Variants in PAX1 observed in about 807,000 individuals in gnomAD.
The protein encoded by PAX1 is paired box protein Pax-1.
In PAX1, 18 loss-of-function variants were observed where a neutral mutation model predicts 35.6. That is an observed-to-expected ratio of 0.50 (90% CI 0.35 to 0.75). The LOEUF (loss-of-function observed/expected upper bound fraction) is 0.75. Ranked by LOEUF, PAX1 falls within the 30% of genes least tolerant of loss-of-function variation. The pLI, the probability that PAX1 is intolerant of heterozygous loss-of-function variation, is 0.01. For synonymous variants in PAX1, 397 were observed against 305.2 expected (o/e 1.30, Z -3.14); for missense variants, 760 against 661.5 (o/e 1.15, Z -1.63).
chr20:21,713,380 TTTTGTGTGTG>T (rs1275695026), intron 4 of PAX1, among the ~76,000 whole-genome samples: 19 of 135,882 alleles, frequency 1.4e-4, no homozygotes, highest in Non-Finnish European at 2.5e-4. Context: ...TTTCTTTTTT[TTTTGTGTGTG>T]TGTGTGTGTG....
At position 21,706,349 on chromosome 20, in the gene PAX1, T is replaced by G. The variant is rs1234377543; in HGVS notation, c.287-89T>G. On this transcript the variant is annotated intron_variant, in intron 1 of 4. Transcript: ENST00000613128. This position sits in a 1 kb window ranked among gnomAD's most constrained non-coding sequence, Gnocchi z 5.3. The stretch of plus-strand genomic sequence containing the variant: ...GGTCACCTTTGGAAGTGCGCCTGGG[T>G]GCAGTCCCTCGCTCCGCGTGGGGAC... The G allele has an allele frequency of 1.3e-6, 2 of 1,529,988 alleles. No homozygotes were observed. The highest frequency in any genetic ancestry group is 4.5e-5 in the East Asian group (2 of 44,482). 94.8% of individuals were successfully genotyped at this position (1,529,988 alleles called of 1,614,324 possible). A position where few individuals can be genotyped will look rare whatever the true frequency, so the allele number is the denominator to read the frequency against.
Position 21,706,254 on chromosome 20 carries a change from G to A in PAX1, c.287-184G>A. 2.3e-6 allele frequency: 2 copies of A among 865,158 alleles called. No homozygotes were observed. Among genetic ancestry groups the A allele is most frequent in the East Asian group, 5.3e-5 (2 of 37,964 alleles). The allele number at this position is 865,158 out of a possible 1,614,324, so 53.6% of individuals were successfully genotyped here. A position where few individuals can be genotyped will look rare whatever the true frequency, so the allele number is the denominator to read the frequency against. On this transcript the variant is annotated intron_variant, in intron 1 of 4. Coordinates refer to ENST00000613128, the MANE Select transcript of PAX1 (RefSeq NM_001257096.2). The surrounding 1 kb of genome is among the most constrained non-coding windows in gnomAD (Gnocchi z 5.3). ...CCGCGCTCCACTCCGCGGCTCCTCT[G>A]CGCCCTTGCCCACTCCAAGCCAGAC...
chr20:21,706,063 C>T lies in PAX1; in HGVS notation c.286+65C>T. ...GAGGTGGGTCGGGTCCGCCTGCCTC[C>T]CTTCCCTCTCGTCCGCTTTCCCTGG... On this transcript the variant is annotated intron_variant, in intron 1 of 4. Transcript: ENST00000613128. The surrounding 1 kb of genome is among the most constrained non-coding windows in gnomAD (Gnocchi z 5.3). 7.8e-7 allele frequency: 1 copy of T among 1,287,062 alleles called. No individual in the cohort carries two copies. Among genetic ancestry groups the T allele is most frequent in the Non-Finnish European group, 1.0e-6 (1 of 953,496 alleles). The allele number at this position is 1,287,062 out of a possible 1,614,324, so 79.7% of individuals were successfully genotyped here.
At position 21,705,776 on chromosome 20, in the gene PAX1, G is replaced by T; in HGVS notation, c.64G>T (p.Ala22Ser). Residue 22 changes from alanine (A) to serine (S), a missense_variant, in exon 1 of 5, where the codon GCG becomes TCG. Physicochemically the swap from Ala to Ser is moderately conservative, Grantham distance 99. This residue lies in a region of PAX1 where 222 missense variants were observed against 153.0 expected (regional missense o/e 1.45). Coordinates refer to ENST00000613128, the MANE Select transcript of PAX1 (RefSeq NM_001257096.2). Reference sequence around the variant, plus strand: ...AGTGTCCTGGGAGGGGGCAGCAGCGGCGGCGGCAGGCCCTGGAGCGGGCGG... The same window carrying T: ...AGTGTCCTGGGAGGGGGCAGCAGCGTCGGCGGCAGGCCCTGGAGCGGGCGG... ...WRVSWEGAAAAAAGPGAGGSA... is the reference protein window; with the variant it reads ...WRVSWEGAAASAAGPGAGGSA... 1 of 1,262,046 alleles carries T rather than the reference G, an allele frequency of 7.9e-7. No individual in the cohort carries two copies. Among genetic ancestry groups the T allele is most frequent in the Non-Finnish European group, 1.0e-6 (1 of 1,003,254 alleles). 78.2% of individuals were successfully genotyped at this position (1,262,046 alleles called of 1,614,324 possible).
chr20:21,706,405 CCTCCGGCTCA>C lies in PAX1; in HGVS notation c.287-29_287-20del, dbSNP rs1600324870. ...GCTAACCCGCCGGGTGTTTTCTCCC[CCTCCGGCTCA>C]CTCTTGTCTGGCGCATCCGCAGAGC... On this transcript the variant is annotated intron_variant, in intron 1 of 4. Transcript: ENST00000613128. This position sits in a 1 kb window ranked among gnomAD's most constrained non-coding sequence, Gnocchi z 5.3. The C allele has an allele frequency of 1.2e-6, 2 of 1,609,446 alleles. No homozygotes were observed. Among genetic ancestry groups the C allele is most frequent in the East Asian group, 4.5e-5 (2 of 44,848 alleles).
chr20:21,713,382 T>TTTGTG (rs1324636431), intron 4 of PAX1, among the ~76,000 whole-genome samples: 1 of 146,272 alleles, frequency 6.8e-6, no homozygotes, highest in South Asian at 2.2e-4. Flanking sequence ...TCTTTTTTTT[T>TTTGTG]TGTGTGTGTG....
In PAX1 at chr20:21,708,696, C is replaced by G; in HGVS notation, c.1055C>G (p.Thr352Ser). 1 of 1,613,502 alleles carries G rather than the reference C, an allele frequency of 6.2e-7. No individual in the cohort carries two copies. Among genetic ancestry groups the G allele is most frequent in the Middle Eastern group, 1.6e-4 (1 of 6,062 alleles). ...KPALEADIKY[T>S]QSASTLSAVG... ...GCCTTAGAGGCAGACATTAAATACA[C>G]TCAGGTAACCAGGAGGCACGTGAGG... Residue 352 changes from threonine to serine, a missense_variant, in exon 3 of 5, where the codon ACT (threonine) becomes AGT (serine). By Grantham distance (58) the Thr-to-Ser change is moderately conservative. This residue lies in a region of PAX1 where 490 missense variants were observed against 428.4 expected (regional missense o/e 1.14). Transcript: ENST00000613128.
At position 21,718,113 on chromosome 20, in the gene PAX1, A is replaced by G. The variant is rs1419324285; in HGVS notation, c.*3551A>G. The G allele has an allele frequency of 6.6e-6, 1 of 152,220 alleles. No individual in the cohort carries two copies. The highest frequency in any genetic ancestry group is 1.5e-5 in the Non-Finnish European group (1 of 68,042). 9.4% of individuals were successfully genotyped at this position (152,220 alleles called of 1,614,324 possible). ...GATTTATTAAAAACAGGGTATTTGT[A>G]AAGAGGGCCAGCTTCGTGCTTTAAA... On this transcript the variant is annotated 3_prime_UTR_variant, in exon 5 of 5. Transcript: ENST00000613128.
intron 4 of PAX1, among the ~76,000 whole-genome samples, chr20:21,713,885 T>G (rs934725373): frequency 1.3e-5 from 2 of 152,222 alleles, no homozygotes; most frequent in Non-Finnish European, 2.9e-5. Context: ...GCCGCTCACT[T>G]AAAGCGCAAC....
rs1985403566 is a variant in PAX1 at position 21,717,302 on chromosome 20, T to G, written c.*2740T>G. ...GGGGTCACGGAACATCTTAGTGAAC[T>G]TGGCTTAAATCTCTGCTCCACTGTA... On this transcript the variant is annotated 3_prime_UTR_variant, in exon 5 of 5. Transcript: ENST00000613128. 1 of 152,242 alleles carries G rather than the reference T, an allele frequency of 6.6e-6. No homozygotes were observed. Among genetic ancestry groups the G allele is most frequent in the South Asian group, 2.1e-4 (1 of 4,824 alleles). 9.4% of individuals were successfully genotyped at this position (152,242 alleles called of 1,614,324 possible).
rs1407257519 is a variant in PAX1, at chr20:21,706,025, C to T, written c.286+27C>T. ...TAAGGGGCGGGCGACAGGCAGGGCT[C>T]GGGAGGGCTGATGAGGTGGGTCGGG... On this transcript the variant is annotated intron_variant, in intron 1 of 4. Transcript: ENST00000613128. The surrounding 1 kb of genome is among the most constrained non-coding windows in gnomAD (Gnocchi z 5.3). The T allele has an allele frequency of 7.6e-6, 11 of 1,455,622 alleles. No individual in the cohort carries two copies. Among genetic ancestry groups the T allele is most frequent in the East Asian group, 2.5e-5 (1 of 40,212 alleles). The allele number at this position is 1,455,622 out of a possible 1,614,324, so 90.2% of individuals were successfully genotyped here.
At position 21,714,862 on chromosome 20, in the gene PAX1, T is replaced by G; in HGVS notation, c.*300T>G. 7.0e-7 allele frequency: 1 copy of G among 1,419,510 alleles called. No homozygotes were observed. Among genetic ancestry groups the G allele is most frequent in the Non-Finnish European group, 9.8e-7 (1 of 1,019,010 alleles). 87.9% of individuals were successfully genotyped at this position (1,419,510 alleles called of 1,614,324 possible). A position where few individuals can be genotyped will look rare whatever the true frequency, so the allele number is the denominator to read the frequency against. ...CGTGGCCTCCTTCGCTCTGCCAGCTTCAAATTTCTTTTTTGTCACTCCCTT... is the reference window on the plus strand; with the variant it reads ...CGTGGCCTCCTTCGCTCTGCCAGCTGCAAATTTCTTTTTTGTCACTCCCTT... On this transcript the variant is annotated 3_prime_UTR_variant, in exon 5 of 5. Coordinates refer to ENST00000613128, the MANE Select transcript of PAX1 (RefSeq NM_001257096.2).
In PAX1 at chr20:21,705,984, G is replaced by C; in HGVS notation, c.272G>C (p.Gly91Ala). 6.7e-7 allele frequency: 1 copy of C among 1,482,948 alleles called. No individual in the cohort carries two copies. Among genetic ancestry groups the C allele is most frequent in the South Asian group, 1.3e-5 (1 of 75,714 alleles). 91.9% of individuals were successfully genotyped at this position (1,482,948 alleles called of 1,614,324 possible). Residue 91 changes from glycine to alanine, a missense_variant, in exon 1 of 5, where the codon GGC becomes GCC. Physicochemically the swap from Gly to Ala is moderately conservative, Grantham distance 60 (BLOSUM62 0). Transcript: ENST00000613128. The stretch of plus-strand genomic sequence containing the variant: ...CACCCCGGCGCCAGGCAGCTGGCCG[G>C]CCCGCTCGCTATGGGTAAGGGGCGG... ...PGHPGARQLA[G>A]PLAMEQTYGE...
chr20:21,707,878 C>T (rs1490931332), intron 2 of PAX1, among the ~76,000 whole-genome samples: 1 of 152,024 alleles, frequency 6.6e-6, no homozygotes, highest in Non-Finnish European at 1.5e-5. Flanking sequence ...ACTGTGAGTG[C>T]TCAGCTCCAG....
In PAX1 at chr20:21,708,602, G is replaced by A. The variant is rs200118388; in HGVS notation, c.961G>A (p.Glu321Lys). ...SEGTAYSPKM[E>K]DWAGVNRTAF... ...AGGCACCGCTTACTCTCCCAAGATG[G>A]AAGACTGGGCCGGCGTGAACCGCAC... The change falls in exon 3 of 5, where the codon GAA becomes AAA. Residue 321 changes from glutamate to lysine, a missense_variant. Physicochemically the swap from Glu to Lys is moderately conservative, Grantham distance 56. This residue lies in a region of PAX1 where 490 missense variants were observed against 428.4 expected (regional missense o/e 1.14). Coordinates refer to ENST00000613128, the MANE Select transcript of PAX1 (RefSeq NM_001257096.2). 8 of 1,613,786 alleles carry A rather than the reference G, an allele frequency of 5.0e-6. No homozygotes were observed. In the Admixed American group the frequency reaches 1.3e-4, roughly 27 times the overall value.
chr20:21,711,414 A>G (rs377145642), intron 4 of PAX1, among the ~76,000 whole-genome samples: 11 of 152,344 alleles, frequency 7.2e-5, no homozygotes, highest in African/African-American at 2.2e-4. Flanking sequence ...TTTAACATTA[A>G]GCCTCACTGG....
chr20:21,708,545 C>G lies in PAX1; in HGVS notation c.917-13C>G, dbSNP rs752708079. ...TCGGAGGCACCTTTTAATCCGTCCTCTCTCTCCTGCAGGGGCCCTGGCTGG... is the reference window on the plus strand; with the variant it reads ...TCGGAGGCACCTTTTAATCCGTCCTGTCTCTCCTGCAGGGGCCCTGGCTGG... On this transcript the variant is annotated splice_polypyrimidine_tract_variant and intron_variant, in intron 2 of 4. Coordinates refer to ENST00000613128, the MANE Select transcript of PAX1 (RefSeq NM_001257096.2). 2.5e-6 allele frequency: 4 copies of G among 1,613,296 alleles called. No individual in the cohort carries two copies. The highest frequency in any genetic ancestry group is 3.3e-5 in the Admixed American group (2 of 60,028).
intron 4 of PAX1, 123 bp downstream of exon 4, chr20:21,709,567 C>T: frequency 1.4e-6 from 1 of 709,756 alleles, no homozygotes; most frequent in Non-Finnish European, 2.3e-6. Flanking sequence ...GGCATGAACC[C>T]TTCTTCTGGG....
rs1985042001 is a variant in PAX1, at chr20:21,707,076, T to A, written c.916+9T>A. 3.7e-6 allele frequency: 6 copies of A among 1,612,886 alleles called. No individual in the cohort carries two copies. In the African/African-American group the frequency reaches 6.7e-5, roughly 18 times the overall value. On this transcript the variant is annotated intron_variant, in intron 2 of 4. Coordinates refer to ENST00000613128, the MANE Select transcript of PAX1 (RefSeq NM_001257096.2). ...GTTTATGGAGCAAACAGGTCAGTTG[T>A]GGCGGCCTCCGTAGCCTTCTATTAA...
Sources: allele counts gnomAD v4.1 joint callset (sites outside exome capture counted in the v4.1 genomes callset), GRCh38; gene constraint gnomAD v4.1.1; regional missense constraint gnomAD v4.1.1; non-coding constraint Gnocchi (gnomAD v3.1); transcripts MANE v1.5; gene names NCBI Gene and HGNC (gene_info 2026-07-23, HGNC 2026-07-21).